Variants in ARHGEF18 observed in about 807,000 individuals in gnomAD.
ARHGEF18 encodes Rho/Rac guanine nucleotide exchange factor 18, also known as rho guanine nucleotide exchange factor 18.
In ARHGEF18, 93 loss-of-function variants were observed where a neutral mutation model predicts 155.7. The observed-to-expected ratio is 0.60, with a 90% CI of 0.50 to 0.71. The LOEUF (loss-of-function observed/expected upper bound fraction) is 0.71. Among genes scored for constraint, ARHGEF18 ranks in the 30% least tolerant of loss-of-function variants. The probability of loss-of-function intolerance (pLI) is 0.00; values close to 1 mark genes in which losing one functional copy is unlikely to be tolerated. For missense variants in ARHGEF18, 1,593 were observed against 1,816.1 expected, an observed-to-expected ratio of 0.88 and a Z score of 2.23; for synonymous variants, 742 against 753.1, an observed-to-expected ratio of 0.99 and a Z score of 0.24.
rs574242719 is a variant in ARHGEF18, at chr19:7,440,919, G to A, written c.1106+437G>A. ...TGCTAGAAGCTGATATGTTTGTGGT[G>A]ACTATTCCATGAGTTCGTGGGAAAG... On this transcript the variant is annotated intron_variant, in intron 11 of 28. Coordinates refer to ENST00000668164, the MANE Select transcript of ARHGEF18 (RefSeq NM_001367823.1). This position sits in a 1 kb window ranked among gnomAD's most constrained non-coding sequence, Gnocchi z 5.4. Among the ~76,000 whole-genome samples, 1 of 152,230 alleles carries A rather than the reference G, an allele frequency of 6.6e-6. No individual in the cohort carries two copies. The highest frequency in any genetic ancestry group is 1.9e-4 in the East Asian group (1 of 5,190).
At chr19:7,350,740 T>C in intron 1 of ARHGEF18, among the ~76,000 whole-genome samples, 1 of 151,332 alleles carries the variant, frequency 6.6e-6, no homozygotes. Flanking sequence ...GCTCATCTGT[T>C]AAAAGGCTGT....
At chr19:7,421,098 T>G (rs1005999845) in intron 10 of ARHGEF18, among the ~76,000 whole-genome samples, 1 of 150,960 alleles carries the variant, frequency 6.6e-6, no homozygotes, top group Non-Finnish European at 1.5e-5. Flanking sequence ...ACTCAGCTAA[T>G]TTTTGTATTT....
chr19:7,369,758 T>C (rs1226536723), intron 2 of ARHGEF18, among the ~76,000 whole-genome samples: 5 of 151,920 alleles, frequency 3.3e-5, no homozygotes, highest in Admixed American at 6.6e-5. Context: ...TACTATGCCA[T>C]TGCATTCCAG....
At chr19:7,421,982 T>G (rs1016063004) in intron 10 of ARHGEF18, among the ~76,000 whole-genome samples, 2 of 152,050 alleles carry the variant, frequency 1.3e-5, no homozygotes, top group Non-Finnish European at 2.9e-5. Context: ...CATCCTGGCC[T>G]CCTCCATCCG....
Position 7,453,698 on chromosome 19 carries a change from C to T in ARHGEF18, c.2087C>T (p.Thr696Ile), listed in dbSNP as rs118024425. ...HLEGMLCWKT[T>I]SGRLKDILAI... is the part of the protein sequence containing the mutation. Reference sequence around the variant, plus strand: ...GAGGGCATGCTATGCTGGAAGACCACATCAGGGCGCTTGAAAGGTAAAGGC... The same window carrying T: ...GAGGGCATGCTATGCTGGAAGACCATATCAGGGCGCTTGAAAGGTAAAGGC... The change falls in exon 17 of 29, where the codon ACA (threonine) becomes ATA (isoleucine). Residue 696 changes from threonine to isoleucine, a missense_variant. Transcript: ENST00000668164. The T allele has an allele frequency of 3.9e-4, 612 of 1,570,340 alleles. No individual in the cohort carries two copies. The highest frequency in any genetic ancestry group is 5.1e-4 in the Non-Finnish European group (588 of 1,155,810).
At chr19:7,350,386 A>G (rs749980253) in intron 1 of ARHGEF18, among the ~76,000 whole-genome samples, 11 of 152,136 alleles carry the variant, frequency 7.2e-5, no homozygotes, top group East Asian at 1.9e-4. Context: ...ATGACAACCA[A>G]AGGAGGTCAG....
Position 7,444,503 on chromosome 19 carries a change from T to A in ARHGEF18, c.1611+49T>A, listed in dbSNP as rs753194652. The A allele has an allele frequency of 5.0e-6, 8 of 1,592,780 alleles. No individual in the cohort carries two copies. The South Asian group carries it at 6.7e-5, about 13-fold the overall frequency. On this transcript the variant is annotated intron_variant, in intron 14 of 28. Coordinates refer to ENST00000668164, the MANE Select transcript of ARHGEF18 (RefSeq NM_001367823.1). This position sits in a 1 kb window ranked among gnomAD's most constrained non-coding sequence, Gnocchi z 4.7. ...AACAGTCTTCAAAGCCTCTGCCTTG[T>A]CTCTGTTCCTTTCTTCTTTTTTTCT...
chr19:7,473,301 G>A, downstream of ARHGEF18: 2 of 456,128 alleles, frequency 4.4e-6, no homozygotes. Context: ...CTCTCAGGCA[G>A]CACTGTCCAC....
chr19:7,466,830 A>AGAAG, intron 23 of ARHGEF18, 88 bp from the exon 24 acceptor site: 1 of 885,292 alleles, frequency 1.1e-6, no homozygotes, highest in African/African-American at 2.4e-5. Flanking sequence ...AAAAAAAGTT[A>AGAAG]AAAAAAAAGA....
intron 26 of ARHGEF18, among the ~76,000 whole-genome samples, 156 bp from the exon 27 acceptor site, chr19:7,468,669 T>C (rs188236317): frequency 1.3e-5 from 2 of 152,014 alleles, no homozygotes; most frequent in African/African-American, 4.8e-5. Context: ...TTAGCAGGGG[T>C]TGGGGACGGG....
rs1976396783 is a variant in ARHGEF18, at chr19:7,463,190, T to A, written c.2636-628T>A. On this transcript the variant is annotated intron_variant, in intron 21 of 28. Coordinates refer to ENST00000668164, the MANE Select transcript of ARHGEF18 (RefSeq NM_001367823.1). The surrounding 1 kb of genome is among the most constrained non-coding windows in gnomAD (Gnocchi z 5.2). ...GACTCAGCCCCTGCCTTCCAGAGCC[T>A]TTCCGCAGAATAAGACGGCAGAGAC... 1.3e-5 allele frequency among the ~76,000 whole-genome samples: 2 copies of A among 152,156 alleles called. No individual in the cohort carries two copies. The highest frequency in any genetic ancestry group is 6.5e-5 in the Admixed American group (1 of 15,276).
At chr19:7,352,424 G>C (rs1969180817) in intron 1 of ARHGEF18, among the ~76,000 whole-genome samples, 2 of 151,458 alleles carry the variant, frequency 1.3e-5, no homozygotes, top group Non-Finnish European at 2.9e-5. Flanking sequence ...CAGGTTCTCA[G>C]GCTTTTTCTG....
In ARHGEF18 at chr19:7,453,592, A is replaced by T; in HGVS notation, c.1981A>T (p.Met661Leu). The change falls in exon 17 of 29, where the codon ATG becomes TTG. Residue 661 changes from methionine to leucine, a missense_variant. Met to Leu is a conservative substitution (Grantham distance 15, BLOSUM62 2). Coordinates refer to ENST00000668164, the MANE Select transcript of ARHGEF18 (RefSeq NM_001367823.1). ...GCGCCTCAGGGAGATCGCAGGGAAGATGGACCTGAAGTCTTCCAGCAAACT... is the reference window on the plus strand; with the variant it reads ...GCGCCTCAGGGAGATCGCAGGGAAGTTGGACCTGAAGTCTTCCAGCAAACT... Reference protein sequence around the residue: ...GQRLREIAGKMDLKSSSKLKN... With the variant: ...GQRLREIAGKLDLKSSSKLKN... 6.2e-7 allele frequency: 1 copy of T among 1,613,974 alleles called. No individual in the cohort carries two copies.
At chr19:7,392,093 T>A (rs2145513407) in intron 10 of ARHGEF18, among the ~76,000 whole-genome samples, 1 of 150,700 alleles carries the variant, frequency 6.6e-6, no homozygotes, top group East Asian at 2.0e-4. Context: ...ATACAAAAAT[T>A]AGCCAGATGT....
intron 15 of ARHGEF18, among the ~76,000 whole-genome samples, chr19:7,448,773 G>A (rs932947998): frequency 5.9e-5 from 9 of 152,100 alleles, no homozygotes; most frequent in African/African-American, 1.2e-4. Flanking sequence ...TTGTGTGAGC[G>A]TGGGTAGGTG....
intron 10 of ARHGEF18, among the ~76,000 whole-genome samples, chr19:7,405,469 C>T (rs1972255895): frequency 6.6e-6 from 1 of 152,200 alleles, no homozygotes; most frequent in Non-Finnish European, 1.5e-5. Context: ...AGATCCTTAA[C>T]TAATGACCTC....
At chr19:7,435,633 C>G (rs866884336) in intron 10 of ARHGEF18, among the ~76,000 whole-genome samples, 27 of 152,190 alleles carry the variant, frequency 1.8e-4, no homozygotes, top group South Asian at 8.3e-4. Flanking sequence ...TTTACTGTCT[C>G]TAGAAACTGG....
In ARHGEF18 at chr19:7,444,552, C is replaced by A. The variant is rs373373716; in HGVS notation, c.1611+98C>A. 6.7e-7 allele frequency: 1 copy of A among 1,494,380 alleles called. No homozygotes were observed. The allele number at this position is 1,494,380 out of a possible 1,614,324, so 92.6% of individuals were successfully genotyped here. On this transcript the variant is annotated intron_variant, in intron 14 of 28. Coordinates refer to ENST00000668164, the MANE Select transcript of ARHGEF18 (RefSeq NM_001367823.1). This position sits in a 1 kb window ranked among gnomAD's most constrained non-coding sequence, Gnocchi z 4.7. ...CTGAGATAGGGTCTTGCCGTGTCGC[C>A]CAGGCTGGAGTGCAGTGGTGCAGTC...
At chr19:7,394,245 G>A (rs1228901800) in intron 10 of ARHGEF18, among the ~76,000 whole-genome samples, 1 of 151,954 alleles carries the variant, frequency 6.6e-6, no homozygotes, top group Non-Finnish European at 1.5e-5. Flanking sequence ...GCGCCTCCAT[G>A]CCCTGCTCAT....
Sources: gnomAD v4.1 joint callset for allele counts (sites outside exome capture counted in the v4.1 genomes callset) on GRCh38, gnomAD v4.1.1 for gene constraint, Gnocchi (gnomAD v3.1) non-coding constraint, MANE v1.5 for transcripts, NCBI Gene and HGNC (gene_info 2026-07-23, HGNC 2026-07-21) for gene names.